Variants in FLOT2 observed in about 807,000 individuals in gnomAD.
The protein encoded by FLOT2 is flotillin 2, also known as flotillin-2.
In FLOT2, 35 loss-of-function variants were observed where a neutral mutation model predicts 54.9. The ratio of observed to expected loss-of-function variants is 0.64; its 90% CI spans 0.49 to 0.84. The LOEUF is 0.84. Ranked by LOEUF, FLOT2 falls within the 40% of genes least tolerant of loss-of-function variation. The probability of loss-of-function intolerance (pLI) is 0.00; values close to 1 mark genes in which losing one functional copy is unlikely to be tolerated. For synonymous variants in FLOT2, 207 were observed against 228.9 expected, an observed-to-expected ratio of 0.90 and a Z score of 0.86; for missense variants, 464 against 572.1, an observed-to-expected ratio of 0.81 and a Z score of 1.93.
At chr17:28,890,479 C>T (rs1381944217) in intron 1 of FLOT2, among the ~76,000 whole-genome samples, 1 of 152,006 alleles carries the variant, frequency 6.6e-6, no homozygotes, top group Non-Finnish European at 1.5e-5. Context: ...CTCCACCTCC[C>T]GGGTTCACGC....
chr17:28,884,244 G>A lies in FLOT2; in HGVS notation c.203C>T (p.Thr68Ile). 6.2e-7 allele frequency: 1 copy of A among 1,613,376 alleles called. No individual in the cohort carries two copies. Among genetic ancestry groups the A allele is most frequent in the Non-Finnish European group, 8.5e-7 (1 of 1,179,448 alleles). Residue 68 changes from threonine (T) to isoleucine (I), a missense_variant, in exon 3 of 11, where the codon ACT (threonine) becomes ATT (isoleucine). By Grantham distance (89) the Thr-to-Ile change is moderately conservative. Coordinates refer to ENST00000394908, the MANE Select transcript of FLOT2 (RefSeq NM_004475.3). This position sits in a 1 kb window ranked among gnomAD's most constrained non-coding sequence, Gnocchi z 5.1. ...CTATACCTGGGCGACACCCGTCACA[G>A]TTAAAGCTACCCCCTCGGCCGTCTC... is the stretch of plus-strand genomic sequence containing the variant. ...DVETAEGVAL[T>I]VTGVAQVKIM... is the part of the protein sequence containing the mutation.
chr17:28,895,746 G>T (rs888799650), intron 1 of FLOT2, among the ~76,000 whole-genome samples: 1 of 151,556 alleles, frequency 6.6e-6, no homozygotes, highest in African/African-American at 2.4e-5. Context: ...CAAATGAAAA[G>T]GATTCCCCTT....
chr17:28,888,537 T>C (rs1756031639), intron 2 of FLOT2, among the ~76,000 whole-genome samples: 1 of 152,176 alleles, frequency 6.6e-6, no homozygotes, highest in African/African-American at 2.4e-5. Context: ...AGGGTGTGCA[T>C]GGGGTCCCTC....
Position 28,884,182 on chromosome 17 carries a change from A to C in FLOT2, c.222+43T>G. The C allele has an allele frequency of 7.1e-7, 1 of 1,411,880 alleles. No homozygotes were observed. The highest frequency in any genetic ancestry group is 1.0e-6 in the Non-Finnish European group (1 of 996,322). The allele number at this position is 1,411,880 out of a possible 1,614,324, so 87.5% of individuals were successfully genotyped here. On this transcript the variant is annotated intron_variant, in intron 3 of 10. Transcript: ENST00000394908. This position sits in a 1 kb window ranked among gnomAD's most constrained non-coding sequence, Gnocchi z 5.1. ...TCCCCCCGAACCCGAGTACGGGACCAGGCAGCTCAACGGACATGCGCAGGG... is the reference window on the plus strand; with the variant it reads ...TCCCCCCGAACCCGAGTACGGGACCCGGCAGCTCAACGGACATGCGCAGGG...
At chr17:28,892,960 C>A (rs2039679147) in intron 1 of FLOT2, 1 of 152,298 alleles carries the variant, frequency 6.6e-6, no homozygotes, top group Non-Finnish European at 1.5e-5. Flanking sequence ...CCACCCTTTA[C>A]CTTTAACTTA....
chr17:28,886,835 A>G (rs1023176776), intron 2 of FLOT2, among the ~76,000 whole-genome samples: 13 of 152,042 alleles, frequency 8.6e-5, no homozygotes, highest in African/African-American at 3.1e-4. Context: ...CCCCCATCTC[A>G]ATCCCAGGAG....
chr17:28,893,744 C>A (rs1000708204), intron 1 of FLOT2, among the ~76,000 whole-genome samples: 26 of 152,228 alleles, frequency 1.7e-4, no homozygotes, highest in Non-Finnish European at 2.9e-4. Context: ...AGTTAAAAAT[C>A]AACTCATAAC....
chr17:28,896,474 GGGTA>G (rs1307891310), intron 1 of FLOT2, among the ~76,000 whole-genome samples: 8 of 152,140 alleles, frequency 5.3e-5, no homozygotes, highest in Non-Finnish European at 1.2e-4. Context: ...GTCTTCAGGG[GGGTA>G]GGGTACTTAT....
chr17:28,882,240 G>A lies in FLOT2; in HGVS notation c.580-3C>T. 1.2e-6 allele frequency: 2 copies of A among 1,614,124 alleles called. No individual in the cohort carries two copies. Among genetic ancestry groups the A allele is most frequent in the Non-Finnish European group, 1.7e-6 (2 of 1,180,034 alleles). ...ATCTCCTTCTTGCACTCAGCTTCCTGGGGACAAAAGGGGCAGAAGGGGAAG... is the reference window on the plus strand; with the variant it reads ...ATCTCCTTCTTGCACTCAGCTTCCTAGGGACAAAAGGGGCAGAAGGGGAAG... On this transcript the variant is annotated splice_polypyrimidine_tract_variant and splice_region_variant and intron_variant, in intron 6 of 10. Coordinates refer to ENST00000394908, the MANE Select transcript of FLOT2 (RefSeq NM_004475.3). The surrounding 1 kb of genome is among the most constrained non-coding windows in gnomAD (Gnocchi z 5.6).
At chr17:28,896,864 T>C (rs1232485095) in intron 1 of FLOT2, among the ~76,000 whole-genome samples, 1 of 152,228 alleles carries the variant, frequency 6.6e-6, no homozygotes. Context: ...AAAATCTCAA[T>C]AGCAGTTCCT....
In FLOT2 at chr17:28,884,436, C is replaced by T; in HGVS notation, c.132-121G>A. 1 of 631,988 alleles carries T rather than the reference C, an allele frequency of 1.6e-6. No individual in the cohort carries two copies. The highest frequency in any genetic ancestry group is 1.8e-5 in the South Asian group (1 of 54,494). The allele number at this position is 631,988 out of a possible 1,614,324, so 39.1% of individuals were successfully genotyped here. A position where few individuals can be genotyped will look rare whatever the true frequency, so the allele number is the denominator to read the frequency against. Reference sequence around the variant, plus strand: ...TGGTGAGGAAGGTGGAGGGAGGACTCTCCACGGGGCTGAGATGGGAGTGTC... The same window carrying T: ...TGGTGAGGAAGGTGGAGGGAGGACTTTCCACGGGGCTGAGATGGGAGTGTC... On this transcript the variant is annotated intron_variant, in intron 2 of 10. Transcript: ENST00000394908. This position sits in a 1 kb window ranked among gnomAD's most constrained non-coding sequence, Gnocchi z 5.1.
Position 28,884,841 on chromosome 17 carries a change from T to C in FLOT2, c.132-526A>G, listed in dbSNP as rs1190085625. Among the ~76,000 whole-genome samples the C allele has an allele frequency of 6.6e-6, 1 of 152,172 alleles. No individual in the cohort carries two copies. The highest frequency in any genetic ancestry group is 1.5e-5 in the Non-Finnish European group (1 of 68,018). On this transcript the variant is annotated intron_variant, in intron 2 of 10. Coordinates refer to ENST00000394908, the MANE Select transcript of FLOT2 (RefSeq NM_004475.3). The surrounding 1 kb of genome is among the most constrained non-coding windows in gnomAD (Gnocchi z 5.1). ...GAGTATGCCTACTGCTGGGCTAAGA[T>C]GGAAGTGATTCTGTACCTGCCCCTT...
rs1455699767 is a variant in FLOT2, at chr17:28,890,501, C to T, written c.50-1475G>A. Among the ~76,000 whole-genome samples the T allele has an allele frequency of 3.9e-5, 6 of 152,042 alleles. No homozygotes were observed. The East Asian group carries it at 7.7e-4, about 20-fold the overall frequency. On this transcript the variant is annotated intron_variant, in intron 1 of 10. Coordinates refer to ENST00000394908, the MANE Select transcript of FLOT2 (RefSeq NM_004475.3). Reference sequence around the variant, plus strand: ...TCCCGGGTTCACGCGATTCTCCTGCCTCAGCCTCCCGAATAGCTGGGACTA... The same window carrying T: ...TCCCGGGTTCACGCGATTCTCCTGCTTCAGCCTCCCGAATAGCTGGGACTA...
At chr17:28,894,749 A>G (rs962196402) in intron 1 of FLOT2, among the ~76,000 whole-genome samples, 2 of 141,672 alleles carry the variant, frequency 1.4e-5, no homozygotes, top group African/African-American at 2.7e-5. Context: ...AGCTGTGATC[A>G]TGCTACTGCA....
At chr17:28,890,576 C>T (rs960872884) in intron 1 of FLOT2, among the ~76,000 whole-genome samples, 2 of 152,124 alleles carry the variant, frequency 1.3e-5, no homozygotes, top group East Asian at 1.9e-4. Flanking sequence ...TTAGTAGAGA[C>T]GGGGTTTCAC....
At position 28,883,207 on chromosome 17, in the gene FLOT2, G is replaced by T. The variant is rs1170067082; in HGVS notation, c.247C>A (p.Leu83Ile). 1.9e-6 allele frequency: 3 copies of T among 1,614,092 alleles called. No homozygotes were observed. Among genetic ancestry groups the T allele is most frequent in the Admixed American group, 1.7e-5 (1 of 60,028 alleles). Residue 83 changes from leucine to isoleucine, a missense_variant, in exon 4 of 11, where the codon CTC (leucine) becomes ATC (isoleucine). Physicochemically the swap from Leu to Ile is conservative, Grantham distance 5 (BLOSUM62 2). Coordinates refer to ENST00000394908, the MANE Select transcript of FLOT2 (RefSeq NM_004475.3). The surrounding 1 kb of genome is among the most constrained non-coding windows in gnomAD (Gnocchi z 5.0). ...AACTGCTCACAAGCCACGGCCAGGA[G>T]TTCCTTCTCCGTCATGATCTTCACC... ...AQVKIMTEKE[L>I]LAVACEQFLG...
intron 1 of FLOT2, among the ~76,000 whole-genome samples, chr17:28,894,616 CTTTTTTTT>C (rs34266130): frequency 1.3e-4 from 6 of 47,424 alleles, no homozygotes; most frequent in South Asian, 1.6e-3. Flanking sequence ...AGAGCAAGAC[CTTTTTTTT>C]TTTTTTTTTT....
At position 28,880,230 on chromosome 17, in the gene FLOT2, C is replaced by A. The variant is rs11547605; in HGVS notation, c.*331G>T. On this transcript the variant is annotated 3_prime_UTR_variant, in exon 11 of 11. Coordinates refer to ENST00000394908, the MANE Select transcript of FLOT2 (RefSeq NM_004475.3). Reference sequence around the variant, plus strand: ...TCTGAGGAGCAGCAGGGCCACCCCCCACAGAGAGTGATTGTAATAAACATC... The same window carrying A: ...TCTGAGGAGCAGCAGGGCCACCCCCAACAGAGAGTGATTGTAATAAACATC... 6.9e-5 allele frequency: 82 copies of A among 1,184,538 alleles called. No homozygotes were observed. In the African/African-American group the frequency reaches 8.5e-4, roughly 12 times the overall value. The allele number at this position is 1,184,538 out of a possible 1,614,324, so 73.4% of individuals were successfully genotyped here.
chr17:28,880,782 T>C lies in FLOT2; in HGVS notation c.1179A>G (p.Ser393=). The C allele has an allele frequency of 6.2e-7, 1 of 1,614,218 alleles. No individual in the cohort carries two copies. Among genetic ancestry groups the C allele is most frequent in the African/African-American group, 1.3e-5 (1 of 75,054 alleles). Residue 393 remains serine, a synonymous_variant, in exon 10 of 11, where the codon TCA becomes TCG. Transcript: ENST00000394908. ...VLSGDNSKVT[S]EVNRLLAELP... ...GCTCGGCCAGCAGTCGGTTCACTTCTGATGTGACCTTACTGTTGTCTCCAC... is the reference window on the plus strand; with the variant it reads ...GCTCGGCCAGCAGTCGGTTCACTTCCGATGTGACCTTACTGTTGTCTCCAC...
Sources: allele counts gnomAD v4.1 joint callset (sites outside exome capture counted in the v4.1 genomes callset), GRCh38; gene constraint gnomAD v4.1.1; non-coding constraint Gnocchi (gnomAD v3.1); transcripts MANE v1.5; gene names NCBI Gene and HGNC (gene_info 2026-07-23, HGNC 2026-07-21).